CDC14B: variants seen among roughly 807,000 people sequenced by gnomAD.
CDC14B encodes dual specificity protein phosphatase CDC14B.
In CDC14B, 22 loss-of-function variants were observed where a neutral mutation model predicts 64.2. That is an observed-to-expected ratio of 0.34 (90% CI 0.24 to 0.49). The LOEUF (loss-of-function observed/expected upper bound fraction) is 0.49, where lower values mean the gene tolerates loss of function less well. CDC14B is among the 20% of genes least tolerant of loss of function. CDC14B has a pLI of 0.99. For missense variants in CDC14B, 498 were observed against 629.9 expected (o/e 0.79, Z 2.24); for synonymous variants, 191 against 215.8 (o/e 0.89, Z 1.01).
At chr9:96,595,728 C>A (rs1846032570) in intron 1 of CDC14B, among the ~76,000 whole-genome samples, 1 of 152,070 alleles carries the variant, frequency 6.6e-6, no homozygotes, top group South Asian at 2.1e-4. Flanking sequence ...ATAGTACGAT[C>A]TCATTTATAT....
At chr9:96,602,619 A>C (rs1660985701) in intron 1 of CDC14B, among the ~76,000 whole-genome samples, 1 of 151,936 alleles carries the variant, frequency 6.6e-6, no homozygotes, top group African/African-American at 2.4e-5. Flanking sequence ...CACTATCATG[A>C]GAACAGCACA....
At chr9:96,530,812 C>G (rs1010765382) in intron 9 of CDC14B, among the ~76,000 whole-genome samples, 2 of 152,088 alleles carry the variant, frequency 1.3e-5, no homozygotes, top group East Asian at 3.9e-4. Context: ...TTTTCACATA[C>G]GGTTCTTATG....
At chr9:96,607,552 C>T (rs1847048764) in intron 1 of CDC14B, among the ~76,000 whole-genome samples, 1 of 151,534 alleles carries the variant, frequency 6.6e-6, no homozygotes, top group African/African-American at 2.4e-5. Flanking sequence ...GCCTGAGTAG[C>T]TGGGACTACA....
chr9:96,549,706 C>T (rs1368953809), intron 5 of CDC14B, among the ~76,000 whole-genome samples: 1 of 151,872 alleles, frequency 6.6e-6, no homozygotes, highest in Admixed American at 6.6e-5. Flanking sequence ...AAATCAAATA[C>T]CTAGTATCTA....
In CDC14B at chr9:96,500,941, T is replaced by C. The variant is rs1833515882; in HGVS notation, c.*2812A>G. ...CTTGGGAACTCCTCTAAAACTTGCC[T>C]AGGCCCAAGAAAACAGAGAGGTAGC... is the stretch of plus-strand genomic sequence containing the variant. On this transcript the variant is annotated 3_prime_UTR_variant, in exon 14 of 14. Coordinates refer to ENST00000375241, the MANE Select transcript of CDC14B (RefSeq NM_033331.4). 2 of 152,032 alleles carry C rather than the reference T, an allele frequency of 1.3e-5. No individual in the cohort carries two copies. Among genetic ancestry groups the C allele is most frequent in the African/African-American group, 4.8e-5 (2 of 41,256 alleles). The allele number at this position is 152,032 out of a possible 1,614,324, so 9.4% of individuals were successfully genotyped here.
At chr9:96,540,131 T>C (rs1224796299) in intron 6 of CDC14B, among the ~76,000 whole-genome samples, 2 of 152,236 alleles carry the variant, frequency 1.3e-5, no homozygotes, top group Admixed American at 1.3e-4. Flanking sequence ...ACTACAGCTA[T>C]TTCTAATAGA....
chr9:96,602,617 T>C lies in CDC14B; in HGVS notation c.160+16602A>G, dbSNP rs1174079534. Among the ~76,000 whole-genome samples, 3 of 151,838 alleles carry C rather than the reference T, an allele frequency of 2.0e-5. No individual in the cohort carries two copies. The East Asian group carries it at 5.8e-4, about 29-fold the overall frequency. On this transcript the variant is annotated intron_variant, in intron 1 of 13. Transcript: ENST00000375241. The stretch of plus-strand genomic sequence containing the variant: ...ATCTCATGAGACTTATTCACTATCA[T>C]GAGAACAGCACAGGAAAGACCTGCC...
chr9:96,542,316 T>C (rs534281343), intron 5 of CDC14B, among the ~76,000 whole-genome samples: 217 of 152,298 alleles, frequency 1.4e-3, no homozygotes, highest in African/African-American at 5.0e-3. Context: ...TAAACATATG[T>C]GTGTATGTGT....
chr9:96,608,998 A>C (rs1231123828), intron 1 of CDC14B, among the ~76,000 whole-genome samples: 1 of 152,072 alleles, frequency 6.6e-6, no homozygotes, highest in Non-Finnish European at 1.5e-5. Context: ...TTTGAGATGG[A>C]GTCTCACTCT....
chr9:96,516,599 C>T (rs1477163347), intron 12 of CDC14B, among the ~76,000 whole-genome samples: 1 of 152,000 alleles, frequency 6.6e-6, no homozygotes, highest in African/African-American at 2.4e-5. Context: ...CCCACTGCAG[C>T]CTCCTGAGTA....
chr9:96,618,360 T>C, intron 1 of CDC14B: 2 of 394,130 alleles, frequency 5.1e-6, no homozygotes, highest in Non-Finnish European at 1.0e-5. Flanking sequence ...GCCACATACA[T>C]CATCACATTT....
chr9:96,566,230 A>T (rs1185096919), intron 1 of CDC14B, among the ~76,000 whole-genome samples: 2 of 152,180 alleles, frequency 1.3e-5, no homozygotes, highest in Non-Finnish European at 2.9e-5. Flanking sequence ...CATCCACAAT[A>T]TCTAATAGTA....
intron 1 of CDC14B, among the ~76,000 whole-genome samples, chr9:96,595,698 C>T (rs1276598197): frequency 1.3e-5 from 2 of 151,988 alleles, no homozygotes; most frequent in African/African-American, 4.8e-5. Flanking sequence ...TGAAAAGAAA[C>T]CAGGCATAAA....
Position 96,619,213 on chromosome 9 carries a change from G to T in CDC14B, c.160+6C>A. Reference sequence around the variant, plus strand: ...GGGCCCTCCGCGCGCCCACTGGCCGGCTCACCGGTGATGTCCAGGTACACG... The same window carrying T: ...GGGCCCTCCGCGCGCCCACTGGCCGTCTCACCGGTGATGTCCAGGTACACG... On this transcript the variant is annotated splice_donor_region_variant and intron_variant, in intron 1 of 13. Transcript: ENST00000375241. 1 of 1,295,846 alleles carries T rather than the reference G, an allele frequency of 7.7e-7. No homozygotes were observed. The allele number at this position is 1,295,846 out of a possible 1,614,324, so 80.3% of individuals were successfully genotyped here.
At chr9:96,587,431 A>G (rs1000560580) in intron 1 of CDC14B, among the ~76,000 whole-genome samples, 3 of 152,184 alleles carry the variant, frequency 2.0e-5, no homozygotes, top group Non-Finnish European at 4.4e-5. Context: ...CCACGGAAGC[A>G]AGGAGCAAAT....
chr9:96,546,898 T>A (rs1459742695), intron 5 of CDC14B, among the ~76,000 whole-genome samples: 3 of 151,678 alleles, frequency 2.0e-5, no homozygotes, highest in Admixed American at 6.6e-5. Context: ...CCGTCTCTAC[T>A]AAAAATACAA....
At chr9:96,586,805 G>C (rs748607465) in intron 1 of CDC14B, among the ~76,000 whole-genome samples, 1 of 152,052 alleles carries the variant, frequency 6.6e-6, no homozygotes, top group Non-Finnish European at 1.5e-5. Context: ...GCCTAAGTTA[G>C]CTTTAATAGA....
intron 9 of CDC14B, among the ~76,000 whole-genome samples, chr9:96,533,058 C>A (rs540142479): frequency 1.3e-4 from 20 of 152,250 alleles, no homozygotes; most frequent in Admixed American, 1.2e-3. Flanking sequence ...CCTCTGCCTT[C>A]CGGGTTCAAG....
At chr9:96,596,089 C>A (rs1019790933) in intron 1 of CDC14B, among the ~76,000 whole-genome samples, 2 of 151,976 alleles carry the variant, frequency 1.3e-5, no homozygotes, top group Non-Finnish European at 2.9e-5. Flanking sequence ...AAAGGCTGGG[C>A]ATGATGGCTC....
Sources: gnomAD v4.1 joint callset for allele counts (sites outside exome capture counted in the v4.1 genomes callset) on GRCh38, gnomAD v4.1.1 for gene constraint, MANE v1.5 for transcripts, NCBI Gene and HGNC (gene_info 2026-07-23, HGNC 2026-07-21) for gene names.